Variants in PIK3AP1 observed in about 807,000 individuals in gnomAD.
PIK3AP1 encodes the protein phosphoinositide 3-kinase adapter protein 1.
A neutral mutation model predicts 88.1 loss-of-function variants in PIK3AP1; 21 were observed. The observed-to-expected ratio is 0.24, with a 90% CI of 0.17 to 0.34. PIK3AP1 has a LOEUF of 0.34. Ranked by LOEUF, PIK3AP1 falls within the 10% of genes least tolerant of loss-of-function variation. The probability of loss-of-function intolerance (pLI) is 1.00; values close to 1 mark genes in which losing one functional copy is unlikely to be tolerated. For synonymous variants in PIK3AP1, 398 were observed against 400.0 expected, an observed-to-expected ratio of 1.00 and a Z score of 0.06; for missense variants, 828 against 1,035.7, an observed-to-expected ratio of 0.80 and a Z score of 2.75.
intron 8 of PIK3AP1, among the ~76,000 whole-genome samples, chr10:96,642,425 C>CAAA (rs34912752): frequency 8.1e-5 from 8 of 98,930 alleles, no homozygotes; most frequent in Non-Finnish European, 1.3e-4. Flanking sequence ...GATGTTGTCT[C>CAAA]AAAAAAAAAA....
At chr10:96,658,889 T>C (rs1443910642) in intron 2 of PIK3AP1, among the ~76,000 whole-genome samples, 1 of 150,150 alleles carries the variant, frequency 6.7e-6, no homozygotes, top group African/African-American at 2.4e-5. Context: ...ATCGGTCTCC[T>C]CCAACTCTCC....
At chr10:96,668,123 C>T (rs1843791446) in intron 2 of PIK3AP1, among the ~76,000 whole-genome samples, 1 of 151,996 alleles carries the variant, frequency 6.6e-6, no homozygotes, top group African/African-American at 2.4e-5. Flanking sequence ...GATGGCTGCG[C>T]AACATTGTGA....
intron 14 of PIK3AP1, 84 bp downstream of exon 14, chr10:96,609,628 C>T (rs1849067783): frequency 6.7e-7 from 1 of 1,485,404 alleles, no homozygotes; most frequent in Non-Finnish European, 9.1e-7. Flanking sequence ...CTCCTGGGCT[C>T]TTAAGAGGAT....
rs775513848 is a variant in PIK3AP1 at position 96,620,430 on chromosome 10, G to A, written c.1863C>T (p.Asn621=). 6.0e-5 allele frequency: 97 copies of A among 1,614,058 alleles called. No homozygotes were observed. The South Asian group carries it at 8.9e-4, about 15-fold the overall frequency. Residue 621 remains asparagine, a synonymous_variant, in exon 12 of 17, where the codon AAC becomes AAT. Coordinates refer to ENST00000339364, the MANE Select transcript of PIK3AP1 (RefSeq NM_152309.3). ...TGAAGTGGAGCACAGCCTCATCCAC[G>A]TTGACAATGCCCAGCTTCACCTGCT... is the stretch of plus-strand genomic sequence containing the variant. ...LQEQVKLGIV[N]VDEAVLHFKE... is the part of the protein sequence containing the mutation.
chr10:96,699,651 A>T (rs1323083472), intron 2 of PIK3AP1, among the ~76,000 whole-genome samples: 1 of 152,210 alleles, frequency 6.6e-6, no homozygotes. Context: ...TGCTCCATAA[A>T]TAACCATCAG....
chr10:96,659,186 C>A (rs191744861), intron 2 of PIK3AP1, among the ~76,000 whole-genome samples: 112 of 152,258 alleles, frequency 7.4e-4, no homozygotes, highest in African/African-American at 2.6e-3. Context: ...GATTCCTGGA[C>A]ATACCATTTA....
intron 2 of PIK3AP1, among the ~76,000 whole-genome samples, chr10:96,689,069 TACCA>T (rs1354820599): frequency 6.6e-6 from 1 of 152,150 alleles, no homozygotes; most frequent in Non-Finnish European, 1.5e-5. Flanking sequence ...GTAAGGCTCT[TACCA>T]CATCCTGATG....
At chr10:96,689,525 G>T (rs971612078) in intron 2 of PIK3AP1, among the ~76,000 whole-genome samples, 2 of 133,488 alleles carry the variant, frequency 1.5e-5, no homozygotes, top group Non-Finnish European at 3.0e-5. Flanking sequence ...AGCCAAGATC[G>T]CACCACTGCA....
intron 2 of PIK3AP1, among the ~76,000 whole-genome samples, chr10:96,670,283 G>A (rs938460571): frequency 6.6e-6 from 1 of 152,060 alleles, no homozygotes; most frequent in East Asian, 1.9e-4. Flanking sequence ...ATAGCACTGG[G>A]ATGTTGAACT....
At chr10:96,704,390 C>A (rs973756230) in intron 2 of PIK3AP1, among the ~76,000 whole-genome samples, 2 of 152,120 alleles carry the variant, frequency 1.3e-5, no homozygotes, top group African/African-American at 4.8e-5. Flanking sequence ...GTACCTGGAC[C>A]AGCAGCATCA....
rs372145093 is a variant in PIK3AP1, at chr10:96,702,461, T to C, written c.430+7106A>G. 5.4e-4 allele frequency among the ~76,000 whole-genome samples: 80 copies of C among 148,374 alleles called. No individual in the cohort carries two copies. In the South Asian group the frequency reaches 0.016, roughly 30 times the overall value. ...TTGCAGTGAGCCGAGATCACGCCAC[T>C]GCACTCCAGCCTGATGACAGAGCAA... On this transcript the variant is annotated intron_variant, in intron 2 of 16. Coordinates refer to ENST00000339364, the MANE Select transcript of PIK3AP1 (RefSeq NM_152309.3).
At chr10:96,699,123 G>A (rs1844260243) in intron 2 of PIK3AP1, among the ~76,000 whole-genome samples, 1 of 152,166 alleles carries the variant, frequency 6.6e-6, no homozygotes, top group Non-Finnish European at 1.5e-5. Flanking sequence ...GGTGGAGGTT[G>A]CAGTCAGCCG....
At position 96,702,676 on chromosome 10, in the gene PIK3AP1, GTTAA is replaced by G. The variant is rs555296345; in HGVS notation, c.430+6887_430+6890del. On this transcript the variant is annotated intron_variant, in intron 2 of 16. Coordinates refer to ENST00000339364, the MANE Select transcript of PIK3AP1 (RefSeq NM_152309.3). ...GGTAACTATGTGTGCTGATGTATGT[GTTAA>G]TTAATTTGATTGTGATAATCATTTC... Among the ~76,000 whole-genome samples the G allele has an allele frequency of 1.6e-3, 245 of 151,520 alleles. 1 individual carries two copies. The highest frequency in any genetic ancestry group is 5.5e-3 in the African/African-American group (228 of 41,222).
chr10:96,595,257 C>A lies in PIK3AP1; in HGVS notation c.*320G>T. The A allele has an allele frequency of 3.0e-6, 1 of 336,950 alleles. No individual in the cohort carries two copies. Among genetic ancestry groups the A allele is most frequent in the Non-Finnish European group, 5.5e-6 (1 of 183,316 alleles). 20.9% of individuals were successfully genotyped at this position (336,950 alleles called of 1,614,324 possible). ...TTTCAGTAAAATCACTGGTGAAGTA[C>A]ATTTATGATCATTCTTTTTAGGCTT... On this transcript the variant is annotated 3_prime_UTR_variant, in exon 17 of 17. Transcript: ENST00000339364.
intron 1 of PIK3AP1, among the ~76,000 whole-genome samples, chr10:96,713,082 G>A (rs1429999530): frequency 6.6e-6 from 1 of 152,132 alleles, no homozygotes; most frequent in Non-Finnish European, 1.5e-5. Context: ...GGCAGCTTGG[G>A]GCCAGGCCCA....
rs375742773 is a variant in PIK3AP1, at chr10:96,652,680, T to C, written c.712+18A>G. 84 of 1,613,108 alleles carry C rather than the reference T, an allele frequency of 5.2e-5. No homozygotes were observed. Among genetic ancestry groups the C allele is most frequent in the African/African-American group, 6.7e-5 (5 of 74,912 alleles). The stretch of plus-strand genomic sequence containing the variant: ...GCAATGAAGCCCTATGTCATCACAT[T>C]CACAGGGGACTACTTACTGGGAGCC... On this transcript the variant is annotated intron_variant, in intron 4 of 16. Coordinates refer to ENST00000339364, the MANE Select transcript of PIK3AP1 (RefSeq NM_152309.3).
At chr10:96,646,711 C>A (rs1185152768) in intron 7 of PIK3AP1, among the ~76,000 whole-genome samples, 1 of 152,092 alleles carries the variant, frequency 6.6e-6, no homozygotes, top group Non-Finnish European at 1.5e-5. Context: ...GTCCTATGTG[C>A]CCAAAAGGAG....
chr10:96,642,601 C>T (rs1365248234), intron 8 of PIK3AP1, among the ~76,000 whole-genome samples: 1 of 152,128 alleles, frequency 6.6e-6, no homozygotes, highest in Non-Finnish European at 1.5e-5. Context: ...GCTGCCTCCC[C>T]GCTGGTAGCC....
intron 2 of PIK3AP1, among the ~76,000 whole-genome samples, chr10:96,660,698 C>T (rs1363765470): frequency 6.6e-6 from 1 of 152,174 alleles, no homozygotes; most frequent in Non-Finnish European, 1.5e-5. Flanking sequence ...ACACAAAAAC[C>T]TGCACACAAA....
Sources: gnomAD v4.1 joint callset for allele counts (sites outside exome capture counted in the v4.1 genomes callset) on GRCh38, gnomAD v4.1.1 for gene constraint, MANE v1.5 for transcripts, NCBI Gene and HGNC (gene_info 2026-07-23, HGNC 2026-07-21) for gene names.